EIF5B: variants seen among roughly 807,000 people sequenced by gnomAD.
The protein encoded by EIF5B is eIF-5B.
A neutral mutation model predicts 147.5 loss-of-function variants in EIF5B; 47 were observed. That is an observed-to-expected ratio of 0.32 (90% confidence interval 0.25 to 0.41). EIF5B has a LOEUF of 0.41. EIF5B is among the 10% of genes least tolerant of loss of function. The pLI is 1.00. For synonymous variants in EIF5B, 455 were observed against 456.2 expected (o/e 1.00, Z 0.03); for missense variants, 1,064 against 1,413.2 (o/e 0.75, Z 3.96).
intron 15 of EIF5B, among the ~76,000 whole-genome samples, 184 bp downstream of exon 15, chr2:99,390,033 C>T (rs573659859): frequency 6.6e-6 from 1 of 152,182 alleles, no homozygotes; most frequent in African/African-American, 2.4e-5. Context: ...ATTTAGAAAA[C>T]TGAGTTGACT....
intron 17 of EIF5B, among the ~76,000 whole-genome samples, chr2:99,392,541 A>T (rs1308347104): frequency 1.3e-5 from 2 of 151,840 alleles, no homozygotes; most frequent in East Asian, 1.9e-4. Flanking sequence ...TAGGTTTTAA[A>T]TTTTTTTTGC....
intron 17 of EIF5B, among the ~76,000 whole-genome samples, chr2:99,391,419 A>T (rs1674927593): frequency 6.6e-6 from 1 of 152,178 alleles, no homozygotes; most frequent in African/African-American, 2.4e-5. Context: ...ATTGTGAAAT[A>T]AAACATTGCT....
chr2:99,338,106 A>G (rs952042341), intron 1 of EIF5B, among the ~76,000 whole-genome samples: 1 of 152,068 alleles, frequency 6.6e-6, no homozygotes, highest in African/African-American at 2.4e-5. Context: ...TGATTTGGAT[A>G]CAGTTTTCGT....
At chr2:99,371,755 G>T in intron 9 of EIF5B, 25 bp downstream of exon 9, 1 of 1,585,226 alleles carries the variant, frequency 6.3e-7, no homozygotes, top group South Asian at 1.2e-5. Flanking sequence ...AGCACACACT[G>T]ATACATCCAG....
chr2:99,341,269 G>A (rs2094259005), intron 1 of EIF5B, among the ~76,000 whole-genome samples: 1 of 152,154 alleles, frequency 6.6e-6, no homozygotes, highest in Admixed American at 6.5e-5. Context: ...ACTCTTGTCT[G>A]CATAAATTAC....
Position 99,382,212 on chromosome 2 carries a change from G to A in EIF5B, c.2115G>A (p.Gly705=), listed in dbSNP as rs1472924803. ...IPGMLIIDTP[G]HESFSNLRNR... is the part of the protein sequence containing the mutation. ...GAATGCTAATTATTGATACTCCTGG[G>A]CATGAATCTTTCAGGTAAGAGCAAT... The change falls in exon 13 of 24, where the codon GGG becomes GGA. Residue 705 remains glycine, a synonymous_variant. Transcript: ENST00000289371. 1.2e-6 allele frequency: 2 copies of A among 1,612,902 alleles called. No homozygotes were observed. The highest frequency in any genetic ancestry group is 3.3e-5 in the Admixed American group (2 of 60,008).
chr2:99,360,592 ATTCT>A lies in EIF5B; in HGVS notation c.246+49_246+52del, dbSNP rs768956059. 9 of 1,580,440 alleles carry A rather than the reference ATTCT, an allele frequency of 5.7e-6. No individual in the cohort carries two copies. In the East Asian group the frequency reaches 6.8e-5, roughly 12 times the overall value. On this transcript the variant is annotated intron_variant, in intron 3 of 23. Coordinates refer to ENST00000289371, the MANE Select transcript of EIF5B (RefSeq NM_015904.4). The stretch of plus-strand genomic sequence containing the variant: ...GTTACCTATTCGTATTTCGTATTCT[ATTCT>A]TTCTTCTTAATGTTGGTTTGGGGAG...
chr2:99,366,953 G>A (rs112033720), intron 6 of EIF5B, among the ~76,000 whole-genome samples: 1,687 of 152,282 alleles, frequency 0.011, 13 homozygotes, highest in Non-Finnish European at 0.018. Flanking sequence ...TACAGTATTT[G>A]TAGCAAGTGG....
At chr2:99,344,158 T>G (rs2094267416) in intron 1 of EIF5B, among the ~76,000 whole-genome samples, 1 of 151,930 alleles carries the variant, frequency 6.6e-6, no homozygotes, top group Non-Finnish European at 1.5e-5. Flanking sequence ...CTGACCTCGT[T>G]ATCCGCCCGC....
At chr2:99,369,331 G>A in intron 7 of EIF5B, 61 bp from the exon 8 acceptor site, 2 of 1,313,128 alleles carry the variant, frequency 1.5e-6, no homozygotes, top group Non-Finnish European at 2.1e-6. Context: ...ACTTAATGGA[G>A]TATCTTAACA....
At chr2:99,343,122 A>G (rs893637717) in intron 1 of EIF5B, among the ~76,000 whole-genome samples, 38 of 151,238 alleles carry the variant, frequency 2.5e-4, no homozygotes, top group Admixed American at 6.6e-4. Flanking sequence ...TGCCCAGCTA[A>G]TTTTTGTATT....
intron 17 of EIF5B, among the ~76,000 whole-genome samples, chr2:99,392,335 C>T (rs1259917264): frequency 6.6e-6 from 1 of 152,008 alleles, no homozygotes; most frequent in Non-Finnish European, 1.5e-5. Context: ...CCACCGCACC[C>T]GGCCCAGTTT....
intron 1 of EIF5B, 39 bp downstream of exon 1, chr2:99,337,628 G>A: frequency 6.3e-7 from 1 of 1,591,708 alleles, no homozygotes; most frequent in Non-Finnish European, 8.6e-7. Flanking sequence ...CGGCCGCCGT[G>A]GCTCAGTGGA....
In EIF5B at chr2:99,382,888, T is replaced by TA. The variant is rs1559256880; in HGVS notation, c.2244dup (p.Cys749MetfsTer9). ...TTGAGTCTATCAACCTTCTCAAATC[T>TA]AAAAAATGTCCCTTCATTGTTGCAC... On this transcript the variant is annotated frameshift_variant, in exon 14 of 24. Transcript: ENST00000289371. LOFTEE classifies it high-confidence loss of function. 2.5e-6 allele frequency: 4 copies of TA among 1,609,814 alleles called. No homozygotes were observed. In the African/African-American group the frequency reaches 4.0e-5, roughly 16 times the overall value.
intron 22 of EIF5B, chr2:99,398,282 G>C (rs1559262835): frequency 6.5e-6 from 1 of 153,010 alleles, no homozygotes; most frequent in Non-Finnish European, 1.5e-5. Context: ...CCACAAAGGA[G>C]TCAGGGTTTT....
At chr2:99,372,690 C>T (rs1674477732) in intron 9 of EIF5B, among the ~76,000 whole-genome samples, 4 of 152,292 alleles carry the variant, frequency 2.6e-5, no homozygotes, top group African/African-American at 9.6e-5. Context: ...TCTTTTGTTA[C>T]TTCATTGTGA....
chr2:99,368,385 T>C (rs1674372725), intron 6 of EIF5B, 108 bp from the exon 7 acceptor site: 1 of 776,156 alleles, frequency 1.3e-6, no homozygotes, highest in Admixed American at 2.8e-5. Context: ...TCCTTTCATA[T>C]TTTAGGGTAT....
At chr2:99,384,122 G>A (rs1674748681) in intron 14 of EIF5B, among the ~76,000 whole-genome samples, 3 of 148,024 alleles carry the variant, frequency 2.0e-5, no homozygotes, top group Non-Finnish European at 4.4e-5. Context: ...GCGTGAACCC[G>A]GGAGGCGGAG....
chr2:99,397,009 T>A, intron 22 of EIF5B, 111 bp downstream of exon 22: 1 of 1,207,580 alleles, frequency 8.3e-7, no homozygotes, highest in Non-Finnish European at 1.1e-6. Context: ...GTGCTGTGTA[T>A]TTAGTGTGGT....
Sources: allele counts gnomAD v4.1 joint callset (sites outside exome capture counted in the v4.1 genomes callset), GRCh38; gene constraint gnomAD v4.1.1; transcripts MANE v1.5; gene names NCBI Gene and HGNC (gene_info 2026-07-23, HGNC 2026-07-21).